RAP1GDS1: variants seen among roughly 807,000 people sequenced by gnomAD.
RAP1GDS1 encodes the protein Rap1 GTPase-GDP dissociation stimulator 1, also known as RAP1, GTP-GDP dissociation stimulator 1.
Under a neutral mutation model 71.1 loss-of-function variants are expected in RAP1GDS1, and 35 were observed. The ratio of observed to expected loss-of-function variants is 0.49; its 90% confidence interval spans 0.38 to 0.65. RAP1GDS1 has a LOEUF of 0.65. RAP1GDS1 is among the 30% of genes least tolerant of loss of function. The probability of loss-of-function intolerance (pLI) is 0.00; values close to 1 mark genes in which losing one functional copy is unlikely to be tolerated. For synonymous variants in RAP1GDS1, 229 were observed against 243.1 expected, an observed-to-expected ratio of 0.94 and a Z score of 0.54; for missense variants, 663 against 706.1, an observed-to-expected ratio of 0.94 and a Z score of 0.69.
chr4:98,379,768 T>C (rs969992346), intron 5 of RAP1GDS1, among the ~76,000 whole-genome samples: 1 of 151,900 alleles, frequency 6.6e-6, no homozygotes, highest in Non-Finnish European at 1.5e-5. Flanking sequence ...TCTGTGATAT[T>C]AAGGCTTCAC....
intron 2 of RAP1GDS1, among the ~76,000 whole-genome samples, chr4:98,338,232 C>T (rs1734978402): frequency 6.6e-6 from 1 of 152,078 alleles, no homozygotes; most frequent in African/African-American, 2.4e-5. Context: ...GGGCTTCTGG[C>T]TTAAATGGGT....
chr4:98,400,059 G>T (rs1343985871), intron 6 of RAP1GDS1, among the ~76,000 whole-genome samples: 1 of 151,982 alleles, frequency 6.6e-6, no homozygotes, highest in Admixed American at 6.6e-5. Flanking sequence ...AAGCTGGGGT[G>T]GGAGGATCGC....
chr4:98,312,693 GTA>G (rs1730402049), intron 2 of RAP1GDS1, among the ~76,000 whole-genome samples: 1 of 152,040 alleles, frequency 6.6e-6, no homozygotes, highest in Non-Finnish European at 1.5e-5. Flanking sequence ...GTGCATGTGT[GTA>G]TGTGTATGTT....
Position 98,287,008 on chromosome 4 carries a change from C to T in RAP1GDS1, c.5-6400C>T, listed in dbSNP as rs562494012. Among the ~76,000 whole-genome samples the T allele has an allele frequency of 2.7e-4, 41 of 151,534 alleles. No individual in the cohort carries two copies. The South Asian group carries it at 7.5e-3, about 28-fold the overall frequency. On this transcript the variant is annotated intron_variant, in intron 1 of 14. Coordinates refer to ENST00000408927, the MANE Select transcript of RAP1GDS1 (RefSeq NM_001100427.2). ...ATAAAGTCATTGTTTTTAGTATAGC[C>T]CATTTTAATAAAAATATTTCTTAAT... is the stretch of plus-strand genomic sequence containing the variant.
At chr4:98,391,927 T>A (rs1241997352) in intron 5 of RAP1GDS1, 25 bp from the exon 6 acceptor site, 1 of 1,556,174 alleles carries the variant, frequency 6.4e-7, no homozygotes, top group Non-Finnish European at 8.7e-7. Flanking sequence ...TCTTTTCTGT[T>A]GTTGTTTTTT....
At chr4:98,403,619 TTATGTTG>T (rs1745731018) in intron 6 of RAP1GDS1, among the ~76,000 whole-genome samples, 1 of 152,152 alleles carries the variant, frequency 6.6e-6, no homozygotes, top group Non-Finnish European at 1.5e-5. Context: ...TTATGAATAT[TTATGTTG>T]TATAAATATC....
At chr4:98,413,423 A>G (rs1747392333) in intron 7 of RAP1GDS1, among the ~76,000 whole-genome samples, 1 of 139,518 alleles carries the variant, frequency 7.2e-6, no homozygotes, top group South Asian at 2.2e-4. Flanking sequence ...TCCAGTGTCC[A>G]TGTGATCTCA....
At chr4:98,343,409 G>C in intron 3 of RAP1GDS1, 148 bp downstream of exon 3, 1 of 987,426 alleles carries the variant, frequency 1.0e-6, no homozygotes, top group Non-Finnish European at 1.5e-6. Context: ...TCATGTAATT[G>C]TTTTAAATGG....
At chr4:98,429,652 T>C (rs937541763) in intron 12 of RAP1GDS1, among the ~76,000 whole-genome samples, 3 of 152,022 alleles carry the variant, frequency 2.0e-5, no homozygotes, top group Admixed American at 1.3e-4. Flanking sequence ...ATGGAAATAA[T>C]TTTTTTTAAT....
At position 98,421,401 on chromosome 4, in the gene RAP1GDS1, T is replaced by C. The variant is rs767823389; in HGVS notation, c.1440+7T>C. 1 of 1,588,278 alleles carries C rather than the reference T, an allele frequency of 6.3e-7. No individual in the cohort carries two copies. The highest frequency in any genetic ancestry group is 1.2e-5 in the South Asian group (1 of 85,436). ...ACGACACAGTAAATCAAAAGTAAGT[T>C]CCAGAGGAAACTGTTCACTAGAAAA... On this transcript the variant is annotated splice_region_variant and intron_variant, in intron 12 of 14. Transcript: ENST00000408927.
At chr4:98,282,743 C>T (rs766105463) in intron 1 of RAP1GDS1, among the ~76,000 whole-genome samples, 20 of 152,002 alleles carry the variant, frequency 1.3e-4, no homozygotes, top group Non-Finnish European at 2.6e-4. Flanking sequence ...TCCTGCTTTC[C>T]CTTGTGGGCA....
At chr4:98,310,322 A>G (rs1053532222) in intron 2 of RAP1GDS1, among the ~76,000 whole-genome samples, 8 of 152,122 alleles carry the variant, frequency 5.3e-5, no homozygotes, top group East Asian at 1.9e-4. Context: ...AATAAGTGCT[A>G]TCATAGGGGA....
chr4:98,302,671 A>G (rs1168833128), intron 2 of RAP1GDS1, among the ~76,000 whole-genome samples: 3 of 152,234 alleles, frequency 2.0e-5, no homozygotes, highest in Non-Finnish European at 4.4e-5. Flanking sequence ...GACATAGTGT[A>G]GGAAAACTTT....
rs771208536 is a variant in RAP1GDS1 at position 98,437,071 on chromosome 4, A to G, written c.1696+3A>G. 1 of 1,589,438 alleles carries G rather than the reference A, an allele frequency of 6.3e-7. No homozygotes were observed. Reference sequence around the variant, plus strand: ...GATATGTGCTCTTATGGGATCTGGTAAGTATTCTTCTATCATTTGATGTCC... The same window carrying G: ...GATATGTGCTCTTATGGGATCTGGTGAGTATTCTTCTATCATTTGATGTCC... On this transcript the variant is annotated splice_donor_region_variant and intron_variant, in intron 14 of 14. Coordinates refer to ENST00000408927, the MANE Select transcript of RAP1GDS1 (RefSeq NM_001100427.2).
intron 2 of RAP1GDS1, among the ~76,000 whole-genome samples, chr4:98,313,282 A>G (rs1730528902): frequency 6.6e-6 from 1 of 152,062 alleles, no homozygotes; most frequent in Non-Finnish European, 1.5e-5. Flanking sequence ...ATAGGGCACA[A>G]TGTCCCACAT....
At position 98,418,800 on chromosome 4, in the gene RAP1GDS1, T is replaced by G. The variant is rs1014547398; in HGVS notation, c.1174+9T>G. ...AAACCTGGCCATTCCAGGTAAGACT[T>G]AAGAATAGAAGGCAGCTGTGTACAA... On this transcript the variant is annotated intron_variant, in intron 10 of 14. Coordinates refer to ENST00000408927, the MANE Select transcript of RAP1GDS1 (RefSeq NM_001100427.2). The G allele has an allele frequency of 6.3e-7, 1 of 1,583,452 alleles. No individual in the cohort carries two copies. The highest frequency in any genetic ancestry group is 1.9e-5 in the Admixed American group (1 of 53,434).
Position 98,417,406 on chromosome 4 carries a change from G to A in RAP1GDS1, c.947G>A (p.Ser316Asn). Residue 316 changes from serine to asparagine, a missense_variant, in exon 9 of 15, where the codon AGT becomes AAT. Coordinates refer to ENST00000408927, the MANE Select transcript of RAP1GDS1 (RefSeq NM_001100427.2). Reference protein sequence around the residue: ...MQKLFEGGKGSVFQRVLSWIP... With the variant: ...MQKLFEGGKGNVFQRVLSWIP... ...AAGTTATTTGAAGGAGGAAAAGGTA[G>A]TGTATTTCAAAGGGTACTCTCTTGG... is the stretch of plus-strand genomic sequence containing the variant. 1 of 1,612,942 alleles carries A rather than the reference G, an allele frequency of 6.2e-7. No homozygotes were observed. The highest frequency in any genetic ancestry group is 8.5e-7 in the Non-Finnish European group (1 of 1,179,034).
At chr4:98,315,991 AC>A (rs1302808355) in intron 2 of RAP1GDS1, among the ~76,000 whole-genome samples, 1 of 152,182 alleles carries the variant, frequency 6.6e-6, no homozygotes, top group Non-Finnish European at 1.5e-5. Context: ...GGATAACTGA[AC>A]AATGTTGAAG....
At chr4:98,314,335 C>T (rs541703175) in intron 2 of RAP1GDS1, among the ~76,000 whole-genome samples, 2 of 152,280 alleles carry the variant, frequency 1.3e-5, no homozygotes, top group South Asian at 4.1e-4. Flanking sequence ...TGAAAAACTT[C>T]GTTCTTAACT....
Sources: gnomAD v4.1 joint callset for allele counts (sites outside exome capture counted in the v4.1 genomes callset) on GRCh38, gnomAD v4.1.1 for gene constraint, MANE v1.5 for transcripts, NCBI Gene and HGNC (gene_info 2026-07-23, HGNC 2026-07-21) for gene names.